The following TRIM2 variants were observed in gnomAD, a reference collection of about 807,000 sequenced individuals.
TRIM2 encodes the protein tripartite motif-containing protein 2.
In TRIM2, 20 loss-of-function variants were observed where a neutral mutation model predicts 75.2. The observed-to-expected ratio is 0.27, with a 90% CI of 0.19 to 0.39. The LOEUF (loss-of-function observed/expected upper bound fraction) is 0.39, where lower values mean the gene tolerates loss of function less well. Ranked by LOEUF, TRIM2 falls within the 10% of genes least tolerant of loss-of-function variation. The pLI is 1.00. For synonymous variants in TRIM2, 373 were observed against 388.3 expected, an observed-to-expected ratio of 0.96 and a Z score of 0.46; for missense variants, 660 against 990.8, an observed-to-expected ratio of 0.67 and a Z score of 4.48.
intron 11 of TRIM2, among the ~76,000 whole-genome samples, chr4:153,330,388 C>T (rs1771195574): frequency 6.6e-6 from 1 of 152,126 alleles, no homozygotes; most frequent in African/African-American, 2.4e-5. Context: ...CATATTCCTC[C>T]TGTGTGTAAA....
chr4:153,279,018 T>C (rs531633249), intron 3 of TRIM2, among the ~76,000 whole-genome samples: 1 of 152,154 alleles, frequency 6.6e-6, no homozygotes, highest in African/African-American at 2.4e-5. Context: ...CGTCAATTTC[T>C]TAAATTGCAA....
intron 1 of TRIM2, among the ~76,000 whole-genome samples, chr4:153,236,853 G>A (rs1745174885): frequency 6.6e-6 from 1 of 151,912 alleles, no homozygotes. Flanking sequence ...CACCATACCT[G>A]GCTAATTTTT....
intron 1 of TRIM2, among the ~76,000 whole-genome samples, chr4:153,221,994 G>A (rs886789041): frequency 0.085 from 3,616 of 42,778 alleles, 35 homozygotes; most frequent in South Asian, 0.2. Context: ...AAGGGAGAGA[G>A]GAAGGAAGGA....
chr4:153,246,092 A>G (rs1749068512), intron 1 of TRIM2, among the ~76,000 whole-genome samples: 1 of 152,324 alleles, frequency 6.6e-6, no homozygotes, highest in East Asian at 1.9e-4. Context: ...CCCTTTACAG[A>G]AAAGGTTTGC....
upstream of TRIM2, among the ~76,000 whole-genome samples, chr4:153,202,425 G>T (rs1382275518): frequency 6.6e-6 from 1 of 152,152 alleles, no homozygotes; most frequent in Non-Finnish European, 1.5e-5. Context: ...GGCCAGCCGC[G>T]TTGGCTCGTG....
rs560686937 is a variant in TRIM2 at position 153,276,588 on chromosome 4, T to C, written c.453+458T>C. ...TTGAAGCTATGTGAATCCCTGATAG[T>C]AGATTATAGATTATGAATTCCAAAC... On this transcript the variant is annotated intron_variant, in intron 3 of 11. Coordinates refer to ENST00000338700, the MANE Select transcript of TRIM2 (RefSeq NM_015271.5). Among the ~76,000 whole-genome samples, 3 of 152,346 alleles carry C rather than the reference T, an allele frequency of 2.0e-5. No homozygotes were observed. The South Asian group carries it at 6.2e-4, about 32-fold the overall frequency.
intron 1 of TRIM2, among the ~76,000 whole-genome samples, chr4:153,223,860 C>T (rs567024745): frequency 3.2e-4 from 49 of 152,324 alleles, no homozygotes; most frequent in Middle Eastern, 3.4e-3. Flanking sequence ...GAATTCCAGC[C>T]ATCCAAAGAT....
chr4:153,309,087 A>G (rs1480226322), intron 6 of TRIM2, among the ~76,000 whole-genome samples: 2 of 152,230 alleles, frequency 1.3e-5, no homozygotes, highest in African/African-American at 2.4e-5. Context: ...CCTGCCCTCA[A>G]GCAACTTACA....
intron 1 of TRIM2, among the ~76,000 whole-genome samples, chr4:153,158,813 C>T (rs1037522473): frequency 2.6e-5 from 4 of 152,054 alleles, no homozygotes; most frequent in African/African-American, 9.7e-5. Flanking sequence ...GAAAGGTAAG[C>T]CGAGAAGGTG....
At chr4:153,326,140 A>G (rs1416411977) in intron 10 of TRIM2, among the ~76,000 whole-genome samples, 1 of 152,224 alleles carries the variant, frequency 6.6e-6, no homozygotes, top group African/African-American at 2.4e-5. Context: ...TATTGTAAAA[A>G]GCAAAGCTGT....
intron 10 of TRIM2, among the ~76,000 whole-genome samples, chr4:153,325,358 C>A (rs1433089456): frequency 6.6e-6 from 1 of 152,154 alleles, no homozygotes; most frequent in African/African-American, 2.4e-5. Flanking sequence ...TCCAGAGATG[C>A]TCACATGGTG....
chr4:153,246,302 G>A (rs1051146241), intron 1 of TRIM2, among the ~76,000 whole-genome samples: 1 of 152,158 alleles, frequency 6.6e-6, no homozygotes, highest in South Asian at 2.1e-4. Context: ...GAGAGGTGGT[G>A]TAATTTGGCC....
chr4:153,280,487 T>C (rs1253699282), intron 3 of TRIM2, among the ~76,000 whole-genome samples: 1 of 148,990 alleles, frequency 6.7e-6, no homozygotes, highest in African/African-American at 2.5e-5. Context: ...AGGGCTCAAG[T>C]GATACCCCTG....
At chr4:153,212,281 C>T (rs1274420908) in intron 1 of TRIM2, among the ~76,000 whole-genome samples, 2 of 152,110 alleles carry the variant, frequency 1.3e-5, no homozygotes, top group Non-Finnish European at 2.9e-5. Context: ...TGAAATGAGT[C>T]AGAAACAGAA....
intron 8 of TRIM2, among the ~76,000 whole-genome samples, chr4:153,316,784 G>GT (rs531234903): frequency 3.9e-4 from 58 of 148,240 alleles, no homozygotes; most frequent in African/African-American, 1.3e-3. Flanking sequence ...TCAAAGAATT[G>GT]TATCAGCCCG....
chr4:153,205,922 G>A (rs1485096683), intron 1 of TRIM2, among the ~76,000 whole-genome samples: 2 of 152,342 alleles, frequency 1.3e-5, no homozygotes, highest in African/African-American at 2.4e-5. Context: ...CGGTCCTAGA[G>A]CCCTGGAGAG....
chr4:153,153,321 CT>C (rs1728893623), intron 1 of TRIM2: 1 of 152,272 alleles, frequency 6.6e-6, no homozygotes, highest in South Asian at 2.1e-4. Context: ...GCGCTTAAAG[CT>C]TCCAGACCGG....
chr4:153,261,945 A>G (rs986936866), intron 1 of TRIM2, among the ~76,000 whole-genome samples: 1 of 152,198 alleles, frequency 6.6e-6, no homozygotes, highest in Non-Finnish European at 1.5e-5. Flanking sequence ...GAAAAACACC[A>G]GAGATGATGT....
intron 2 of TRIM2, among the ~76,000 whole-genome samples, chr4:153,271,116 G>A (rs1023367731): frequency 2.6e-5 from 4 of 152,124 alleles, no homozygotes; most frequent in African/African-American, 9.7e-5. Flanking sequence ...TTGGAGAGGG[G>A]CGTTAATCAG....
Sources: gnomAD v4.1 joint callset for allele counts (sites outside exome capture counted in the v4.1 genomes callset) on GRCh38, gnomAD v4.1.1 for gene constraint, MANE v1.5 for transcripts, NCBI Gene and HGNC (gene_info 2026-07-23, HGNC 2026-07-21) for gene names.